Variants in DLG2 observed in about 807,000 individuals in gnomAD.
DLG2 encodes disks large homolog 2.
Under a neutral mutation model 132.5 loss-of-function variants are expected in DLG2, and 45 were observed. The observed-to-expected ratio is 0.34, with a 90% CI of 0.27 to 0.44. DLG2 has a LOEUF of 0.44. Ranked by LOEUF, DLG2 falls within the 20% of genes least tolerant of loss-of-function variation. The pLI, the probability that DLG2 is intolerant of heterozygous loss-of-function variation, is 1.00. For synonymous variants in DLG2, 424 were observed against 419.6 expected, an observed-to-expected ratio of 1.01 and a Z score of -0.13; for missense variants, 1,045 against 1,196.9, an observed-to-expected ratio of 0.87 and a Z score of 1.87.
intron 11 of DLG2, among the ~76,000 whole-genome samples, chr11:84,005,184 G>A (rs1320297163): frequency 6.6e-6 from 1 of 151,960 alleles, no homozygotes; most frequent in Non-Finnish European, 1.5e-5. Context: ...AGAGAAGTCA[G>A]AAATACATCC....
At chr11:85,018,688 C>T (rs912107137) in intron 6 of DLG2, among the ~76,000 whole-genome samples, 8 of 151,814 alleles carry the variant, frequency 5.3e-5, no homozygotes, top group Non-Finnish European at 1.2e-4. Flanking sequence ...CTCTGATGGC[C>T]CAAGTAAGTA....
At chr11:84,803,524 C>A (rs780402967) in intron 6 of DLG2, among the ~76,000 whole-genome samples, 3 of 152,172 alleles carry the variant, frequency 2.0e-5, no homozygotes, top group Non-Finnish European at 4.4e-5. Context: ...CCACAAAGAG[C>A]ACATGGGCAG....
At chr11:84,839,344 G>A (rs1475037203) in intron 6 of DLG2, among the ~76,000 whole-genome samples, 4 of 151,932 alleles carry the variant, frequency 2.6e-5, no homozygotes, top group Non-Finnish European at 4.4e-5. Flanking sequence ...AAATAAAAGA[G>A]GACACAAACA....
At chr11:84,677,987 C>G (rs959979046) in intron 6 of DLG2, among the ~76,000 whole-genome samples, 5 of 152,044 alleles carry the variant, frequency 3.3e-5, no homozygotes, top group African/African-American at 1.2e-4. Context: ...TCTTCAGAGA[C>G]TGAAGGAAGT....
chr11:84,768,018 A>T (rs543569136), intron 6 of DLG2, among the ~76,000 whole-genome samples: 1 of 152,286 alleles, frequency 6.6e-6, no homozygotes, highest in South Asian at 2.1e-4. Context: ...GGAGGACTCA[A>T]TCTGAGTCTC....
intron 2 of DLG2, among the ~76,000 whole-genome samples, chr11:85,605,574 A>G (rs1350682047): frequency 6.6e-6 from 1 of 152,202 alleles, no homozygotes; most frequent in African/African-American, 2.4e-5. Context: ...CACTGGGAAC[A>G]CAGTACTGAA....
At chr11:83,838,408 T>G (rs1466864593) in intron 16 of DLG2, among the ~76,000 whole-genome samples, 4 of 152,174 alleles carry the variant, frequency 2.6e-5, no homozygotes, top group Non-Finnish European at 5.9e-5. Context: ...TTTAGATTAG[T>G]GAAATGAGAC....
chr11:85,014,933 T>C (rs1367269403), intron 6 of DLG2, among the ~76,000 whole-genome samples: 11 of 152,172 alleles, frequency 7.2e-5, no homozygotes, highest in Admixed American at 6.5e-4. Flanking sequence ...TCGCCACTCT[T>C]CTGTGTCTCT....
chr11:85,420,227 C>T (rs569209771), intron 3 of DLG2, among the ~76,000 whole-genome samples: 3 of 152,308 alleles, frequency 2.0e-5, no homozygotes, highest in African/African-American at 7.2e-5. Flanking sequence ...TGGAGGTCTA[C>T]TCCAGACCAT....
intron 3 of DLG2, among the ~76,000 whole-genome samples, chr11:85,412,407 A>C (rs574360844): frequency 3.3e-5 from 5 of 151,824 alleles, no homozygotes; most frequent in Non-Finnish European, 7.4e-5. Flanking sequence ...ATTGGGGAAC[A>C]GGAGGTGCTT....
At chr11:84,582,850 T>C (rs544997838) in intron 6 of DLG2, among the ~76,000 whole-genome samples, 1 of 152,334 alleles carries the variant, frequency 6.6e-6, no homozygotes, top group South Asian at 2.1e-4. Flanking sequence ...GGATTTAGAC[T>C]GGACACAATC....
chr11:85,418,715 T>A (rs1166052629), intron 3 of DLG2, among the ~76,000 whole-genome samples: 1 of 152,064 alleles, frequency 6.6e-6, no homozygotes, highest in Non-Finnish European at 1.5e-5. Flanking sequence ...TTTGTCTTTT[T>A]TACTCTTTGT....
intron 3 of DLG2, among the ~76,000 whole-genome samples, chr11:85,550,654 G>A (rs1190737337): frequency 6.6e-6 from 1 of 152,222 alleles, no homozygotes; most frequent in Non-Finnish European, 1.5e-5. Context: ...GAAATATCTT[G>A]CTTCAAAGGC....
In DLG2 at chr11:85,017,366, T is replaced by TC. The variant is rs35045347; in HGVS notation, c.357+94294_357+94295insG. On this transcript the variant is annotated intron_variant, in intron 6 of 27. Transcript: ENST00000376104. Reference sequence around the variant, plus strand: ...TATTCTCTTTCTCCACTTTTTTTTTTATTCCTTTCTTCCTGTAACCTGATT... The same window carrying TC: ...TATTCTCTTTCTCCACTTTTTTTTTTCATTCCTTTCTTCCTGTAACCTGATT... Among the ~76,000 whole-genome samples, 505 of 150,458 alleles carry TC rather than the reference T, an allele frequency of 3.4e-3. 3 individuals are homozygous for TC. The highest frequency in any genetic ancestry group is 9.9e-3 in the African/African-American group (407 of 41,008).
At chr11:85,581,998 TG>T (rs2078558029) in intron 3 of DLG2, among the ~76,000 whole-genome samples, 1 of 152,190 alleles carries the variant, frequency 6.6e-6, no homozygotes, top group Non-Finnish European at 1.5e-5. Flanking sequence ...AAATTTAAAG[TG>T]AAAACAGTTA....
At chr11:84,166,799 G>C in intron 8 of DLG2, 1 of 408,346 alleles carries the variant, frequency 2.4e-6, no homozygotes, top group South Asian at 2.0e-5. Context: ...TGGGTGGTTT[G>C]CAAACAATCC....
chr11:83,909,917 T>G (rs1046297785), intron 15 of DLG2, among the ~76,000 whole-genome samples: 1 of 152,204 alleles, frequency 6.6e-6, no homozygotes, highest in Non-Finnish European at 1.5e-5. Context: ...GCAGCCTCAA[T>G]GTCTCCATGT....
intron 5 of DLG2, among the ~76,000 whole-genome samples, chr11:85,126,346 A>G (rs1566901905): frequency 6.6e-6 from 1 of 152,248 alleles, no homozygotes; most frequent in Non-Finnish European, 1.5e-5. Flanking sequence ...TCATCTTTCA[A>G]TAGGTTGCTG....
At chr11:85,001,329 CAAAGAACTTTT>C (rs2058191458) in intron 6 of DLG2, among the ~76,000 whole-genome samples, 3 of 152,052 alleles carry the variant, frequency 2.0e-5, no homozygotes, top group Admixed American at 2.0e-4. Context: ...AACTTCTGTT[CAAAGAACTTTT>C]AAGAGCTTGA....
Sources: gnomAD v4.1 joint callset for allele counts (sites outside exome capture counted in the v4.1 genomes callset) on GRCh38, gnomAD v4.1.1 for gene constraint, MANE v1.5 for transcripts, NCBI Gene and HGNC (gene_info 2026-07-23, HGNC 2026-07-21) for gene names.